Variants in YME1L1 observed in about 807,000 individuals in gnomAD.
YME1L1 encodes the protein ATP-dependent zinc metalloprotease YME1L1.
In YME1L1, 39 loss-of-function variants were observed where a neutral mutation model predicts 90.4. The observed-to-expected ratio is 0.43, with a 90% CI of 0.33 to 0.56. The LOEUF is 0.56. YME1L1 is among the 20% of genes least tolerant of loss of function. YME1L1 has a pLI of 0.03. For synonymous variants in YME1L1, 284 were observed against 287.3 expected, an observed-to-expected ratio of 0.99 and a Z score of 0.12; for missense variants, 617 against 868.4, an observed-to-expected ratio of 0.71 and a Z score of 3.64.
intron 2 of YME1L1, chr10:27,146,013 C>CAA (rs2057140235): frequency 6.5e-6 from 1 of 154,854 alleles, no homozygotes; most frequent in Non-Finnish European, 1.4e-5. Context: ...TTTATAATGA[C>CAA]AAGAGTGTAA....
intron 8 of YME1L1, among the ~76,000 whole-genome samples, chr10:27,127,410 A>G (rs1055173442): frequency 6.6e-6 from 1 of 152,230 alleles, no homozygotes; most frequent in Non-Finnish European, 1.5e-5. Context: ...AAGCGTGTAC[A>G]TATGTTCACC....
chr10:27,134,533 C>T (rs533657474), intron 6 of YME1L1, among the ~76,000 whole-genome samples: 1 of 152,324 alleles, frequency 6.6e-6, no homozygotes, highest in Admixed American at 6.5e-5. Flanking sequence ...CATGATTGCA[C>T]CACTGCACTC....
chr10:27,154,222 C>A lies in YME1L1; in HGVS notation c.-12G>T. 1 of 1,584,506 alleles carries A rather than the reference C, an allele frequency of 6.3e-7. No homozygotes were observed. Among genetic ancestry groups the A allele is most frequent in the East Asian group, 2.3e-5 (1 of 43,326 alleles). On this transcript the variant is annotated 5_prime_UTR_variant, in exon 1 of 19. Transcript: ENST00000376016. Reference sequence around the variant, plus strand: ...GACAAGGAAAACATCTCCGGCGGGCCCTCAGCGACCTCACCCGCCTGCCGA... The same window carrying A: ...GACAAGGAAAACATCTCCGGCGGGCACTCAGCGACCTCACCCGCCTGCCGA...
At chr10:27,147,700 TG>T in intron 2 of YME1L1, 1 of 1,550,046 alleles carries the variant, frequency 6.5e-7, no homozygotes, top group South Asian at 1.2e-5. Context: ...TTCCTGGTTG[TG>T]GTATGCTCAT....
intron 2 of YME1L1, chr10:27,147,496 AC>A (rs2057156983): frequency 6.2e-7 from 1 of 1,613,494 alleles, no homozygotes; most frequent in African/African-American, 1.3e-5. Flanking sequence ...CCCGCAGTGT[AC>A]AGGGATTGAG....
At position 27,117,601 on chromosome 10, in the gene YME1L1, A is replaced by G; in HGVS notation, c.1694T>C (p.Met565Thr). 5.0e-6 allele frequency: 8 copies of G among 1,614,076 alleles called. No individual in the cohort carries two copies. Among genetic ancestry groups the G allele is most frequent in the Non-Finnish European group, 6.8e-6 (8 of 1,180,002 alleles). The change falls in exon 15 of 19, where the codon ATG becomes ACG. Residue 565 changes from methionine (M) to threonine (T), a missense_variant. By Grantham distance (81) the Met-to-Thr change is moderately conservative (BLOSUM62 -1). Around this residue, in one of 4 missense-constraint regions of YME1L1, gnomAD observed 212 missense variants for 330.0 expected, o/e 0.64. Coordinates refer to ENST00000376016, the MANE Select transcript of YME1L1 (RefSeq NM_014263.4). ...ATGTCCAAGTGTTGGCCCCCGTGGC[A>G]TGATTGTAGCTTTGTTGATAGGCAT... ...DAMPINKATIMPRGPTLGHVS... is the reference protein window; with the variant it reads ...DAMPINKATITPRGPTLGHVS...
chr10:27,142,694 C>T (rs373814237), intron 3 of YME1L1, among the ~76,000 whole-genome samples: 3 of 152,224 alleles, frequency 2.0e-5, no homozygotes, highest in East Asian at 3.9e-4. Flanking sequence ...CTAGCTATCA[C>T]TTGTTGGTTA....
chr10:27,120,332 C>A, intron 13 of YME1L1, 103 bp downstream of exon 13: 8 of 717,542 alleles, frequency 1.1e-5, no homozygotes, highest in South Asian at 6.9e-5. Flanking sequence ...CAAAAATGAA[C>A]TGGTCTTTTA....
intron 4 of YME1L1, among the ~76,000 whole-genome samples, chr10:27,137,952 A>G (rs953376627): frequency 2.0e-5 from 3 of 152,168 alleles, no homozygotes; most frequent in Admixed American, 1.3e-4. Flanking sequence ...TAACTTGATT[A>G]GAGTTTCATT....
At chr10:27,140,909 A>G (rs1309640451) in intron 4 of YME1L1, among the ~76,000 whole-genome samples, 2 of 152,222 alleles carry the variant, frequency 1.3e-5, no homozygotes, top group African/African-American at 4.8e-5. Flanking sequence ...ACCCTAGGTA[A>G]CACACGCTCA....
chr10:27,142,383 A>G lies in YME1L1; in HGVS notation c.430+4T>C, dbSNP rs764444542. On this transcript the variant is annotated splice_donor_region_variant and intron_variant, in intron 4 of 18. Transcript: ENST00000376016. ...TTCCACAATTTATGGTTGTTGCTTC[A>G]TACCTGGCCAGTACTGAAGATCTGA... 2 of 1,429,686 alleles carry G rather than the reference A, an allele frequency of 1.4e-6. No individual in the cohort carries two copies. The highest frequency in any genetic ancestry group is 3.2e-5 in the South Asian group (2 of 62,726). 88.6% of individuals were successfully genotyped at this position (1,429,686 alleles called of 1,614,324 possible).
rs1410670626 is a variant in YME1L1 at position 27,151,014 on chromosome 10, C to T, written c.34-1974G>A. ...AATCTCGGCTCACTGCAACCACCGC[C>T]TCCTGGGTTCGAGTGATTCTCCTGC... On this transcript the variant is annotated intron_variant, in intron 1 of 18. Transcript: ENST00000376016. Among the ~76,000 whole-genome samples, 7 of 150,074 alleles carry T rather than the reference C, an allele frequency of 4.7e-5. No individual in the cohort carries two copies. The Admixed American group carries it at 4.7e-4, about 10-fold the overall frequency.
intron 13 of YME1L1, 126 bp downstream of exon 13, chr10:27,120,309 G>GA (rs1259566923): frequency 0.013 from 7,469 of 568,412 alleles, no homozygotes; most frequent in South Asian, 0.018. Context: ...CATACTAATG[G>GA]AAAAAAAAAA....
chr10:27,132,643 C>T (rs1222898794), intron 7 of YME1L1, among the ~76,000 whole-genome samples: 1 of 151,304 alleles, frequency 6.6e-6, no homozygotes, highest in African/African-American at 2.4e-5. Context: ...AACGGTGAAA[C>T]GCCGTCTCTA....
intron 1 of YME1L1, among the ~76,000 whole-genome samples, chr10:27,153,697 C>T (rs1041024611): frequency 2.6e-5 from 4 of 152,162 alleles, no homozygotes; most frequent in Non-Finnish European, 5.9e-5. Context: ...ACTTGCATGG[C>T]TGGCCATCCG....
chr10:27,123,456 G>A, intron 10 of YME1L1, 91 bp downstream of exon 10: 1 of 1,423,126 alleles, frequency 7.0e-7, no homozygotes, highest in Non-Finnish European at 9.5e-7. Context: ...ATTAAAAAAA[G>A]GAAGAAAAAA....
chr10:27,132,552 T>C (rs1264195548), intron 7 of YME1L1, among the ~76,000 whole-genome samples: 1 of 151,682 alleles, frequency 6.6e-6, no homozygotes, highest in Non-Finnish European at 1.5e-5. Flanking sequence ...CTGGGCGTGG[T>C]GGCTCACACC....
intron 9 of YME1L1, among the ~76,000 whole-genome samples, chr10:27,125,481 T>C (rs1045905663): frequency 1.1e-5 from 1 of 88,522 alleles, no homozygotes; most frequent in Admixed American, 1.1e-4. Flanking sequence ...AAAAAAACAA[T>C]AAAAGCCTAA....
intron 12 of YME1L1, 28 bp from the exon 13 acceptor site, chr10:27,120,575 T>C (rs1259311167): frequency 3.8e-6 from 6 of 1,571,092 alleles, no homozygotes; most frequent in Non-Finnish European, 5.2e-6. Flanking sequence ...AAGGAAAATA[T>C]AAATTAAAAC....
Sources: allele counts gnomAD v4.1 joint callset (sites outside exome capture counted in the v4.1 genomes callset), GRCh38; gene constraint gnomAD v4.1.1; regional missense constraint gnomAD v4.1.1; transcripts MANE v1.5; gene names NCBI Gene and HGNC (gene_info 2026-07-23, HGNC 2026-07-21).